Variants in ADAM2 observed in about 807,000 individuals in gnomAD.
ADAM2 encodes the protein ADAM metallopeptidase domain 2.
Under a neutral mutation model 99.3 loss-of-function variants are expected in ADAM2, and 101 were observed. The ratio of observed to expected loss-of-function variants is 1.02; its 90% CI spans 0.87 to 1.20. The LOEUF (loss-of-function observed/expected upper bound fraction) is 1.20, where lower values mean the gene tolerates loss of function less well. Among genes scored for constraint, ADAM2 ranks in the 50% most tolerant of loss-of-function variants. The pLI is 0.00. For synonymous variants in ADAM2, 323 were observed against 287.6 expected (o/e 1.12, Z -1.25); for missense variants, 948 against 878.7 (o/e 1.08, Z -1.00).
At chr8:39,834,472 C>G (rs1222968477) in intron 2 of ADAM2, among the ~76,000 whole-genome samples, 1 of 152,096 alleles carries the variant, frequency 6.6e-6, no homozygotes, top group Non-Finnish European at 1.5e-5. Context: ...GAAAACCTCA[C>G]GCCTATTATC....
chr8:39,758,197 A>G (rs1433025690), intron 15 of ADAM2, among the ~76,000 whole-genome samples: 1 of 152,158 alleles, frequency 6.6e-6, no homozygotes, highest in African/African-American at 2.4e-5. Flanking sequence ...TGCATGTTCT[A>G]GCTCCATTGA....
At chr8:39,790,949 C>T (rs965382275) in intron 7 of ADAM2, among the ~76,000 whole-genome samples, 9 of 151,834 alleles carry the variant, frequency 5.9e-5, no homozygotes, top group East Asian at 1.9e-4. Context: ...AGATACAGAG[C>T]TTACCTAAAG....
At chr8:39,764,697 G>A (rs184738444) in intron 14 of ADAM2, among the ~76,000 whole-genome samples, 13 of 152,182 alleles carry the variant, frequency 8.5e-5, no homozygotes, top group Admixed American at 3.3e-4. Flanking sequence ...TCATTGCTTG[G>A]TAACAATGTA....
intron 7 of ADAM2, among the ~76,000 whole-genome samples, chr8:39,790,482 G>T (rs1803660449): frequency 6.6e-6 from 1 of 151,894 alleles, no homozygotes. Flanking sequence ...AAATCTGTAT[G>T]TTCAAAAAGT....
At chr8:39,779,742 AATC>A (rs1803142343) in intron 10 of ADAM2, among the ~76,000 whole-genome samples, 1 of 152,196 alleles carries the variant, frequency 6.6e-6, no homozygotes, top group South Asian at 2.1e-4. Flanking sequence ...CTTATATGCC[AATC>A]ATCAGACTGA....
At chr8:39,777,921 T>A (rs1228273982) in intron 10 of ADAM2, among the ~76,000 whole-genome samples, 17 of 150,748 alleles carry the variant, frequency 1.1e-4, no homozygotes, top group Non-Finnish European at 1.5e-5. Flanking sequence ...ACTCACTGAA[T>A]TAATTAATAT....
chr8:39,821,721 C>G (rs566847738), intron 4 of ADAM2, 59 bp from the exon 5 acceptor site: 62 of 1,184,648 alleles, frequency 5.2e-5, no homozygotes, highest in African/African-American at 7.6e-5. Context: ...ATACAATTTT[C>G]AAATATGTAA....
chr8:39,813,174 C>T (rs528324096), intron 6 of ADAM2, among the ~76,000 whole-genome samples: 105 of 152,278 alleles, frequency 6.9e-4, no homozygotes, highest in African/African-American at 2.2e-3. Context: ...AAAAAATGCT[C>T]ATCATCACTG....
rs769423817 is a variant in ADAM2, at chr8:39,837,189, T to G, written c.79A>C (p.Ile27Leu). ...DSNFDSLPVQ[I>L]TVPEKIRSII... ...GACCGTATTTTCTCCGGAACTGTAA[T>G]TTGCACAGGTAAACTATCAAAATCT... Residue 27 changes from isoleucine (I) to leucine (L), a missense_variant, in exon 2 of 21, where the codon ATT becomes CTT. Physicochemically the swap from Ile to Leu is conservative, Grantham distance 5 (BLOSUM62 2). Transcript: ENST00000265708. 1.9e-6 allele frequency: 3 copies of G among 1,609,984 alleles called. No homozygotes were observed. The South Asian group carries it at 3.3e-5, about 18-fold the overall frequency.
In ADAM2 at chr8:39,748,603, C is replaced by T. The variant is rs1823571787; in HGVS notation, c.2014+709G>A. On this transcript the variant is annotated intron_variant, in intron 18 of 20. Transcript: ENST00000265708. ...CTGGTCCTAAGTATTATTGGATATG[C>T]CAGTTAACTTCTGGCTTTCTCTAAA... is the stretch of plus-strand genomic sequence containing the variant. Among the ~76,000 whole-genome samples the T allele has an allele frequency of 1.3e-5, 2 of 152,006 alleles. 1 individual carries two copies. The highest frequency in any genetic ancestry group is 4.1e-4 in the South Asian group (2 of 4,820).
chr8:39,787,583 G>A (rs28490434), intron 9 of ADAM2, among the ~76,000 whole-genome samples: 1,445 of 16,514 alleles, frequency 0.088, 20 homozygotes, highest in African/African-American at 0.39. Context: ...CATAATATAT[G>A]TATATATATT....
chr8:39,770,104 A>G (rs1802722729), intron 11 of ADAM2, among the ~76,000 whole-genome samples: 2 of 151,506 alleles, frequency 1.3e-5, no homozygotes, highest in Admixed American at 1.3e-4. Flanking sequence ...CGCCACCACG[A>G]CCTACTAATT....
chr8:39,775,456 A>C (rs575453704), intron 11 of ADAM2, among the ~76,000 whole-genome samples: 3 of 151,310 alleles, frequency 2.0e-5, no homozygotes, highest in South Asian at 4.2e-4. Flanking sequence ...GTAGATTCCA[A>C]TCTCTGGCAC....
intron 10 of ADAM2, among the ~76,000 whole-genome samples, chr8:39,785,109 C>T (rs1803407786): frequency 6.6e-6 from 1 of 152,150 alleles, no homozygotes; most frequent in Admixed American, 6.6e-5. Context: ...AGGACTTAGT[C>T]ATATATTATT....
chr8:39,798,573 T>C (rs1009521444), intron 7 of ADAM2, among the ~76,000 whole-genome samples: 1 of 152,000 alleles, frequency 6.6e-6, no homozygotes, highest in African/African-American at 2.4e-5. Context: ...TAGGGAGGAG[T>C]CCCTCCTTTT....
chr8:39,788,794 G>T (rs966622271), intron 7 of ADAM2, 54 bp from the exon 8 acceptor site: 4 of 929,094 alleles, frequency 4.3e-6, no homozygotes, highest in East Asian at 3.1e-5. Context: ...AACATTTAAT[G>T]ATTGTTATTG....
intron 2 of ADAM2, among the ~76,000 whole-genome samples, chr8:39,834,622 T>C (rs1445659022): frequency 2.0e-5 from 3 of 147,156 alleles, no homozygotes; most frequent in East Asian, 2.0e-4. Flanking sequence ...TAATCCCAGA[T>C]ACTGGGGAGG....
chr8:39,810,631 C>T (rs925767914), intron 6 of ADAM2, among the ~76,000 whole-genome samples: 2 of 152,138 alleles, frequency 1.3e-5, no homozygotes, highest in Non-Finnish European at 2.9e-5. Context: ...TTAAGAAACT[C>T]ACTCAAAACC....
chr8:39,749,156 C>G (rs1415565305), intron 18 of ADAM2, among the ~76,000 whole-genome samples, 156 bp downstream of exon 18: 1 of 151,998 alleles, frequency 6.6e-6, no homozygotes, highest in Non-Finnish European at 1.5e-5. Flanking sequence ...TAATATATTA[C>G]TCTCTGGAAG....
Sources: gnomAD v4.1 joint callset for allele counts (sites outside exome capture counted in the v4.1 genomes callset) on GRCh38, gnomAD v4.1.1 for gene constraint, MANE v1.5 for transcripts, NCBI Gene and HGNC (gene_info 2026-07-23, HGNC 2026-07-21) for gene names.